TMEM74: variants seen among roughly 807,000 people sequenced by gnomAD.
The protein encoded by TMEM74 is transmembrane protein 74.
In TMEM74, 13 loss-of-function variants were observed where a neutral mutation model predicts 18.1. That is an observed-to-expected ratio of 0.72 (90% CI 0.47 to 1.14). The LOEUF (loss-of-function observed/expected upper bound fraction) is 1.14, where lower values mean the gene tolerates loss of function less well. TMEM74 is among the 50% of genes most tolerant of loss of function. The pLI is 0.00. For synonymous variants in TMEM74, 159 were observed against 146.6 expected (o/e 1.08, Z -0.61); for missense variants, 372 against 375.9 (o/e 0.99, Z 0.09).
Position 108,783,170 on chromosome 8 carries a change from CT to C in TMEM74, c.*1010del, listed in dbSNP as rs1814329372. ...ATGAGGGAAGTGCTCGTTGCTTGGC[CT>C]ACAGCAAGTGATACAGCCTGCGAGG... On this transcript the variant is annotated 3_prime_UTR_variant, in exon 2 of 2. Transcript: ENST00000297459. Among the ~76,000 whole-genome samples, 1 of 152,094 alleles carries C rather than the reference CT, an allele frequency of 6.6e-6. No individual in the cohort carries two copies. The highest frequency in any genetic ancestry group is 2.1e-4 in the South Asian group (1 of 4,828).
rs372330804 is a variant in TMEM74, at chr8:108,785,523, T to C, written c.-39-386A>G. 2.0e-5 allele frequency among the ~76,000 whole-genome samples: 3 copies of C among 152,332 alleles called. No individual in the cohort carries two copies. In the South Asian group the frequency reaches 6.2e-4, roughly 32 times the overall value. ...ACAAATGAGAAAGGCAAGAGCCCTT[T>C]TTAGCAGAGCTGCCGATTTTCTGGA... On this transcript the variant is annotated intron_variant, in intron 1 of 1. Coordinates refer to ENST00000297459, the MANE Select transcript of TMEM74 (RefSeq NM_153015.3).
Position 108,743,260 on chromosome 8 carries a change from G to A in TMEM74, n.119+44216C>T, listed in dbSNP as rs144604942. Among the ~76,000 whole-genome samples, 484 of 152,188 alleles carry A rather than the reference G, an allele frequency of 3.2e-3. 3 individuals carry two copies. Among genetic ancestry groups the A allele is most frequent in the African/African-American group, 0.011 (437 of 41,542 alleles). On this transcript the variant is annotated intron_variant and non_coding_transcript_variant, in intron 1 of 3. Coordinates refer to the TMEM74 transcript ENST00000518838. ...TGGTGATAAAATGGTAATATAAGTCGAATTTGTGGCCTTTTCTCTTAAGAA... is the reference window on the plus strand; with the variant it reads ...TGGTGATAAAATGGTAATATAAGTCAAATTTGTGGCCTTTTCTCTTAAGAA...
At chr8:108,627,441 G>A (rs989708255) in intron 2 of TMEM74, among the ~76,000 whole-genome samples, 2 of 152,024 alleles carry the variant, frequency 1.3e-5, no homozygotes, top group African/African-American at 4.8e-5. Flanking sequence ...TAAGTCACCT[G>A]TAAAGTAGGG....
chr8:108,655,403 A>G (rs1200643935), exon 2 of TMEM74: 3 of 152,108 alleles, frequency 2.0e-5, no homozygotes, highest in Non-Finnish European at 2.9e-5. Flanking sequence ...CCAGGAGTTC[A>G]TGATCAGCCT....
intron 1 of TMEM74, among the ~76,000 whole-genome samples, chr8:108,708,411 T>C (rs1813439506): frequency 6.6e-6 from 1 of 152,134 alleles, no homozygotes; most frequent in African/African-American, 2.4e-5. Flanking sequence ...CATAATGGGA[T>C]TTCTGGGTCA....
At chr8:108,656,755 CAAAAT>C (rs773007469) in intron 1 of TMEM74, among the ~76,000 whole-genome samples, 3 of 152,108 alleles carry the variant, frequency 2.0e-5, no homozygotes, top group East Asian at 3.9e-4. Context: ...ATGTAGGTAA[CAAAAT>C]AAAGAAGAAA....
chr8:108,630,214 C>G (rs1812536918), intron 2 of TMEM74, among the ~76,000 whole-genome samples: 1 of 151,834 alleles, frequency 6.6e-6, no homozygotes, highest in Non-Finnish European at 1.5e-5. Flanking sequence ...GACTTTAAAC[C>G]AACAAAGATC....
At position 108,658,669 on chromosome 8, in the gene TMEM74, C is replaced by T. The variant is rs546468088; in HGVS notation, n.120-3232G>A. Reference sequence around the variant, plus strand: ...GGGCTGTTCTAGGAAAGCTTTGCAGCCAAGCAAATGCCAATCTGAATCCTG... The same window carrying T: ...GGGCTGTTCTAGGAAAGCTTTGCAGTCAAGCAAATGCCAATCTGAATCCTG... On this transcript the variant is annotated intron_variant and non_coding_transcript_variant, in intron 1 of 3. Transcript: ENST00000518838. Among the ~76,000 whole-genome samples, 40 of 152,270 alleles carry T rather than the reference C, an allele frequency of 2.6e-4. No individual in the cohort carries two copies. The South Asian group carries it at 2.7e-3, about 10-fold the overall frequency.
rs560908341 is a variant in TMEM74, at chr8:108,610,425, G to A, written n.265-1599C>T. Among the ~76,000 whole-genome samples, 118 of 152,256 alleles carry A rather than the reference G, an allele frequency of 7.8e-4. 4 individuals are homozygous for A. In the South Asian group the frequency reaches 0.024, roughly 31 times the overall value. On this transcript the variant is annotated intron_variant and non_coding_transcript_variant, in intron 2 of 3. Transcript: ENST00000518838. ...TAGAAACATGAATCTATGCCCTCAT[G>A]AATCTTACATTCTAGTTGGAGGGTA...
Position 108,646,840 on chromosome 8 carries a change from C to A in TMEM74, n.264+8453G>T, listed in dbSNP as rs534908711. ...TACCTGAGCTAAAAAATGGCCAGGG[C>A]AACCACCCATATTCCAAGTATGTTC... On this transcript the variant is annotated intron_variant and non_coding_transcript_variant, in intron 2 of 3. Transcript: ENST00000518838. 1.1e-4 allele frequency among the ~76,000 whole-genome samples: 16 copies of A among 152,060 alleles called. No individual in the cohort carries two copies. In the South Asian group the frequency reaches 3.3e-3, roughly 32 times the overall value.
At chr8:108,775,131 A>G (rs1033204415), downstream of TMEM74, among the ~76,000 whole-genome samples, 10 of 152,172 alleles carry the variant, frequency 6.6e-5, no homozygotes, top group African/African-American at 2.4e-4. Flanking sequence ...AATCTGACAT[A>G]ATCATTGGTT....
intron 1 of TMEM74, among the ~76,000 whole-genome samples, chr8:108,712,258 G>A (rs1049340727): frequency 2.0e-5 from 3 of 152,260 alleles, no homozygotes; most frequent in East Asian, 1.9e-4. Flanking sequence ...CAACTCTTTA[G>A]GGATACGCTG....
chr8:108,694,152 C>G (rs940489251), intron 1 of TMEM74, among the ~76,000 whole-genome samples: 3 of 152,258 alleles, frequency 2.0e-5, no homozygotes, highest in East Asian at 1.9e-4. Context: ...AAGTGAAACT[C>G]GTGTCATGTG....
chr8:108,690,426 G>A (rs971385693), intron 1 of TMEM74, among the ~76,000 whole-genome samples: 1 of 151,720 alleles, frequency 6.6e-6, no homozygotes, highest in Non-Finnish European at 1.5e-5. Context: ...TTCCCCTGGA[G>A]AATGCCATCA....
chr8:108,774,756 A>ATT (rs71305916), downstream of TMEM74, among the ~76,000 whole-genome samples: 4,380 of 121,172 alleles, frequency 0.036, 208 homozygotes, highest in African/African-American at 0.11. Flanking sequence ...CCTTCCTTTA[A>ATT]TTTTTTTTTT....
rs1814308229 is a variant in TMEM74, at chr8:108,781,647, T to C, written c.*2534A>G. On this transcript the variant is annotated 3_prime_UTR_variant, in exon 2 of 2. Transcript: ENST00000297459. ...CTTAAAAGAGAGGTGCTCTATATGT[T>C]AGCAGATTTAAATAATGTTGAAGTG... 6.6e-6 allele frequency among the ~76,000 whole-genome samples: 1 copy of C among 152,202 alleles called. No homozygotes were observed. Among genetic ancestry groups the C allele is most frequent in the Non-Finnish European group, 1.5e-5 (1 of 68,034 alleles).
chr8:108,751,535 A>G (rs577467119), intron 1 of TMEM74, among the ~76,000 whole-genome samples: 2 of 152,162 alleles, frequency 1.3e-5, no homozygotes, highest in East Asian at 1.9e-4. Flanking sequence ...CAAGATGGAC[A>G]TTGGTTACAA....
At chr8:108,726,493 G>A (rs972610255) in intron 1 of TMEM74, among the ~76,000 whole-genome samples, 5 of 152,172 alleles carry the variant, frequency 3.3e-5, no homozygotes, top group African/African-American at 1.2e-4. Flanking sequence ...TTTTGAAATT[G>A]TGGAATGCCA....
intron 1 of TMEM74, among the ~76,000 whole-genome samples, chr8:108,706,991 A>T (rs1201825807): frequency 6.6e-6 from 1 of 151,992 alleles, no homozygotes; most frequent in Admixed American, 6.6e-5. Context: ...CATGTACCTC[A>T]TACTCTTTAC....
Sources: gnomAD v4.1 joint callset for allele counts (sites outside exome capture counted in the v4.1 genomes callset) on GRCh38, gnomAD v4.1.1 for gene constraint, MANE v1.5 for transcripts, NCBI Gene and HGNC (gene_info 2026-07-23, HGNC 2026-07-21) for gene names.